The following SLC39A11 variants were observed in gnomAD, a reference collection of about 807,000 sequenced individuals.
The protein encoded by SLC39A11 is solute carrier family 39 member 11.
A neutral mutation model predicts 36.1 loss-of-function variants in SLC39A11; 33 were observed. The ratio of observed to expected loss-of-function variants is 0.91; its 90% CI spans 0.69 to 1.22. The LOEUF (loss-of-function observed/expected upper bound fraction) is 1.22. Among genes scored for constraint, SLC39A11 ranks in the 50% most tolerant of loss-of-function variants. The pLI, the probability that SLC39A11 is intolerant of heterozygous loss-of-function variation, is 0.00. For missense variants in SLC39A11, 432 were observed against 430.3 expected (o/e 1.00, Z -0.03); for synonymous variants, 166 against 170.3 (o/e 0.97, Z 0.20).
chr17:72,951,909 T>C (rs2085889041), intron 4 of SLC39A11, among the ~76,000 whole-genome samples: 1 of 152,178 alleles, frequency 6.6e-6, no homozygotes, highest in African/African-American at 2.4e-5. Flanking sequence ...TTCACCTTTC[T>C]ATCAATCTAT....
At chr17:72,975,937 G>A (rs1408936749) in intron 4 of SLC39A11, among the ~76,000 whole-genome samples, 1 of 152,034 alleles carries the variant, frequency 6.6e-6, no homozygotes, top group African/African-American at 2.4e-5. Flanking sequence ...TTGGGAGGCT[G>A]AGGCGGGTGG....
intron 7 of SLC39A11, among the ~76,000 whole-genome samples, chr17:72,732,315 T>C (rs978706843): frequency 1.4e-4 from 21 of 152,272 alleles, no homozygotes; most frequent in African/African-American, 4.6e-4. Flanking sequence ...CACCTGGCCA[T>C]GTGCATTACT....
rs1265616712 is a variant in SLC39A11 at position 73,015,600 on chromosome 17, T to C, written c.306+15956A>G. On this transcript the variant is annotated intron_variant, in intron 4 of 9. Coordinates refer to ENST00000255559, the MANE Select transcript of SLC39A11 (RefSeq NM_139177.4). ...GATTATTTTTATTTTTATTATTTCT[T>C]TGAGACAGGGTCTTGCTCTGTCGCC... is the stretch of plus-strand genomic sequence containing the variant. Among the ~76,000 whole-genome samples the C allele has an allele frequency of 3.3e-5, 5 of 152,202 alleles. No individual in the cohort carries two copies. The East Asian group carries it at 9.6e-4, about 29-fold the overall frequency.
At chr17:72,715,395 C>T (rs1310215296) in intron 7 of SLC39A11, among the ~76,000 whole-genome samples, 1 of 152,170 alleles carries the variant, frequency 6.6e-6, no homozygotes, top group African/African-American at 2.4e-5. Flanking sequence ...GGTGAAACAG[C>T]CCAAGTGTTC....
At chr17:72,684,322 G>T (rs2071641932) in intron 7 of SLC39A11, among the ~76,000 whole-genome samples, 1 of 152,184 alleles carries the variant, frequency 6.6e-6, no homozygotes, top group Admixed American at 6.5e-5. Context: ...TGGAGGCTTT[G>T]CCCAGGCTCG....
chr17:72,914,215 C>T (rs2083205455), intron 5 of SLC39A11, among the ~76,000 whole-genome samples: 1 of 151,312 alleles, frequency 6.6e-6, no homozygotes. Context: ...ACTCGGGAGG[C>T]TGAGGCAGAA....
chr17:72,897,075 A>AAAAC (rs1309896435), intron 5 of SLC39A11, among the ~76,000 whole-genome samples: 11 of 147,360 alleles, frequency 7.5e-5, no homozygotes, highest in African/African-American at 2.8e-4. Context: ...AAAAAAACAA[A>AAAAC]CAGAAAAACA....
At chr17:72,986,590 C>A (rs1186986196) in intron 4 of SLC39A11, among the ~76,000 whole-genome samples, 2 of 152,248 alleles carry the variant, frequency 1.3e-5, no homozygotes, top group Non-Finnish European at 2.9e-5. Flanking sequence ...TCAGGAGCAT[C>A]AGCCACCTTG....
intron 3 of SLC39A11, among the ~76,000 whole-genome samples, chr17:73,061,145 A>G (rs2059827655): frequency 6.6e-6 from 1 of 152,046 alleles, no homozygotes; most frequent in African/African-American, 2.4e-5. Flanking sequence ...GCAGATCCCA[A>G]GGTCAGGAGT....
intron 6 of SLC39A11, among the ~76,000 whole-genome samples, chr17:72,817,409 T>C (rs1431474529): frequency 6.6e-6 from 1 of 151,948 alleles, no homozygotes; most frequent in East Asian, 1.9e-4. Flanking sequence ...CAATTCTTGC[T>C]GGAACTAAGA....
At chr17:72,672,555 T>C (rs1277662338) in intron 7 of SLC39A11, among the ~76,000 whole-genome samples, 1 of 152,244 alleles carries the variant, frequency 6.6e-6, no homozygotes, top group African/African-American at 2.4e-5. Flanking sequence ...ACTGTGGCCG[T>C]TGGGCCAAAT....
At chr17:72,840,564 GC>G (rs1328949673) in intron 6 of SLC39A11, among the ~76,000 whole-genome samples, 5 of 152,208 alleles carry the variant, frequency 3.3e-5, no homozygotes, top group African/African-American at 9.6e-5. Flanking sequence ...TTTGAGACCA[GC>G]CTGGCCAACA....
At chr17:72,846,071 C>T (rs888554041) in intron 6 of SLC39A11, among the ~76,000 whole-genome samples, 1 of 122,866 alleles carries the variant, frequency 8.1e-6, no homozygotes, top group Non-Finnish European at 1.6e-5. Flanking sequence ...GCTTTGTCGC[C>T]CAGGCTGCAG....
chr17:72,714,863 G>A lies in SLC39A11; in HGVS notation c.671+21787C>T, dbSNP rs936933933. Among the ~76,000 whole-genome samples the A allele has an allele frequency of 3.3e-5, 5 of 152,206 alleles. No individual in the cohort carries two copies. The East Asian group carries it at 9.6e-4, about 29-fold the overall frequency. On this transcript the variant is annotated intron_variant, in intron 7 of 9. Transcript: ENST00000255559. Reference sequence around the variant, plus strand: ...TCACCTGCCTGGCTGAAGAAGGAACGTGGCCGTACTTGTGAAGCTAATAGT... The same window carrying A: ...TCACCTGCCTGGCTGAAGAAGGAACATGGCCGTACTTGTGAAGCTAATAGT...
chr17:72,704,828 C>T (rs1488087394), intron 7 of SLC39A11, among the ~76,000 whole-genome samples: 2 of 152,194 alleles, frequency 1.3e-5, no homozygotes, highest in Non-Finnish European at 2.9e-5. Flanking sequence ...ATCTCTCTAG[C>T]CACAGTGATT....
chr17:72,658,252 TG>T (rs2070234999), intron 7 of SLC39A11, among the ~76,000 whole-genome samples: 1 of 152,156 alleles, frequency 6.6e-6, no homozygotes, highest in Non-Finnish European at 1.5e-5. Context: ...GGCCTCTCCG[TG>T]GGCTGGATGC....
At chr17:72,693,556 C>T (rs2072137963) in intron 7 of SLC39A11, among the ~76,000 whole-genome samples, 1 of 152,212 alleles carries the variant, frequency 6.6e-6, no homozygotes. Context: ...TAGTAAGCAT[C>T]TTGCTTTCCA....
chr17:72,665,396 T>TG (rs2070697931), intron 7 of SLC39A11, among the ~76,000 whole-genome samples: 2 of 123,990 alleles, frequency 1.6e-5, no homozygotes, highest in Non-Finnish European at 3.5e-5. Context: ...GGTGTTTTTT[T>TG]TTTTTTTTTT....
intron 5 of SLC39A11, among the ~76,000 whole-genome samples, chr17:72,895,134 G>T (rs2081966336): frequency 6.6e-6 from 1 of 152,188 alleles, no homozygotes; most frequent in Admixed American, 6.5e-5. Context: ...TAGTCGCATT[G>T]GTAGGGATGA....
Sources: allele counts gnomAD v4.1 joint callset (sites outside exome capture counted in the v4.1 genomes callset), GRCh38; gene constraint gnomAD v4.1.1; transcripts MANE v1.5; gene names NCBI Gene and HGNC (gene_info 2026-07-23, HGNC 2026-07-21).